Variants in ACOXL observed in about 807,000 individuals in gnomAD.
ACOXL encodes the protein acyl-CoA oxidase like.
In ACOXL, 70 loss-of-function variants were observed where a neutral mutation model predicts 71.9. The ratio of observed to expected loss-of-function variants is 0.97; its 90% CI spans 0.80 to 1.19. The LOEUF is 1.19. Ranked by LOEUF, ACOXL falls within the 50% of genes most tolerant of loss-of-function variation. ACOXL has a pLI of 0.00. For missense variants in ACOXL, 703 were observed against 736.3 expected, an observed-to-expected ratio of 0.95 and a Z score of 0.52; for synonymous variants, 253 against 281.6, an observed-to-expected ratio of 0.90 and a Z score of 1.02.
chr2:110,979,660 T>A (rs1463865821), intron 12 of ACOXL, among the ~76,000 whole-genome samples: 1 of 151,884 alleles, frequency 6.6e-6, no homozygotes, highest in Non-Finnish European at 1.5e-5. Context: ...CCCAGGCTCT[T>A]TATACCATGT....
chr2:110,879,360 A>G (rs996900339), intron 10 of ACOXL, among the ~76,000 whole-genome samples: 5 of 152,168 alleles, frequency 3.3e-5, no homozygotes, highest in African/African-American at 1.2e-4. Context: ...CGTGCCATGG[A>G]ACCTTCAAAC....
At chr2:110,995,321 G>A (rs1204536213) in intron 13 of ACOXL, among the ~76,000 whole-genome samples, 1 of 150,674 alleles carries the variant, frequency 6.6e-6, no homozygotes, top group Non-Finnish European at 1.5e-5. Flanking sequence ...CCAATATGGT[G>A]AAACCCTGTC....
At position 111,116,586 on chromosome 2, in the gene ACOXL, T is replaced by C. The variant is rs143980294; in HGVS notation, c.1543-1030T>C. 6.7e-3 allele frequency among the ~76,000 whole-genome samples: 1,024 copies of C among 152,060 alleles called. 17 individuals are homozygous for C. The highest frequency in any genetic ancestry group is 0.024 in the African/African-American group (973 of 41,402). On this transcript the variant is annotated intron_variant, in intron 17 of 17. Transcript: ENST00000439055. Reference sequence around the variant, plus strand: ...CAGTGCGGCTCAGACATGACCACCATGTGAGGGCAAAGGTGGGGCTGGTGT... The same window carrying C: ...CAGTGCGGCTCAGACATGACCACCACGTGAGGGCAAAGGTGGGGCTGGTGT...
chr2:110,766,569 G>T (rs188242622), intron 1 of ACOXL, among the ~76,000 whole-genome samples: 1 of 152,330 alleles, frequency 6.6e-6, no homozygotes, highest in East Asian at 1.9e-4. Context: ...GGGATGGAAG[G>T]TCAGTTCTCT....
chr2:110,978,021 A>G (rs887400072), intron 12 of ACOXL, among the ~76,000 whole-genome samples: 1 of 152,204 alleles, frequency 6.6e-6, no homozygotes, highest in African/African-American at 2.4e-5. Flanking sequence ...TAGGTTTTCT[A>G]TGATTTAAAA....
chr2:111,044,921 C>T (rs192773138), intron 15 of ACOXL, among the ~76,000 whole-genome samples: 1 of 152,238 alleles, frequency 6.6e-6, no homozygotes, highest in African/African-American at 2.4e-5. Flanking sequence ...CCCTATGCTT[C>T]CTCTCCTTGA....
At chr2:111,072,080 A>G (rs912323426) in intron 16 of ACOXL, among the ~76,000 whole-genome samples, 1 of 152,242 alleles carries the variant, frequency 6.6e-6, no homozygotes, top group African/African-American at 2.4e-5. Flanking sequence ...GTTTCAGTAC[A>G]TAGACACTTA....
At chr2:110,874,392 TC>T (rs143314534) in intron 10 of ACOXL, among the ~76,000 whole-genome samples, 3,615 of 146,846 alleles carry the variant, frequency 0.025, 158 homozygotes, top group African/African-American at 0.084. Context: ...ACACCTGACA[TC>T]CCTCGGTCAG....
intron 12 of ACOXL, among the ~76,000 whole-genome samples, chr2:110,973,343 C>G (rs2062300013): frequency 6.6e-6 from 1 of 152,180 alleles, no homozygotes; most frequent in African/African-American, 2.4e-5. Context: ...ATTAATGTGT[C>G]AAAACCTACC....
intron 10 of ACOXL, among the ~76,000 whole-genome samples, chr2:110,870,106 G>T (rs774232713): frequency 2.6e-5 from 4 of 152,240 alleles, no homozygotes; most frequent in Non-Finnish European, 5.9e-5. Context: ...AATTAGGGCT[G>T]TTCCCTTGGT....
intron 10 of ACOXL, among the ~76,000 whole-genome samples, chr2:110,908,066 A>G (rs2059521531): frequency 6.6e-6 from 1 of 152,228 alleles, no homozygotes; most frequent in Non-Finnish European, 1.5e-5. Context: ...ATCAGGCTGC[A>G]AGGGGCAGAG....
intron 12 of ACOXL, among the ~76,000 whole-genome samples, chr2:110,967,144 G>A (rs910217943): frequency 4.6e-5 from 7 of 152,110 alleles, no homozygotes; most frequent in African/African-American, 1.7e-4. Flanking sequence ...GTGCATAAAA[G>A]TACTACAAAT....
intron 16 of ACOXL, among the ~76,000 whole-genome samples, chr2:111,060,919 C>A: frequency 6.6e-6 from 1 of 151,892 alleles, no homozygotes; most frequent in African/African-American, 2.4e-5. Flanking sequence ...ATGGAGAGAA[C>A]AGAGGAAAGA....
At chr2:110,905,442 C>T (rs548400112) in intron 10 of ACOXL, among the ~76,000 whole-genome samples, 73 of 152,190 alleles carry the variant, frequency 4.8e-4, no homozygotes, top group South Asian at 2.1e-3. Context: ...CAAGCTGAGG[C>T]GTTTTTGGAT....
At chr2:110,764,135 T>A (rs769431403) in intron 1 of ACOXL, among the ~76,000 whole-genome samples, 2 of 152,200 alleles carry the variant, frequency 1.3e-5, no homozygotes, top group East Asian at 3.9e-4. Flanking sequence ...TTTCTTACCA[T>A]ATGGTCCAGT....
chr2:110,821,968 AGT>A (rs1688661380), intron 9 of ACOXL, among the ~76,000 whole-genome samples: 1 of 150,662 alleles, frequency 6.6e-6, no homozygotes, highest in African/African-American at 2.4e-5. Context: ...TGTGTGTGTG[AGT>A]GTGTGCGTGC....
intron 10 of ACOXL, among the ~76,000 whole-genome samples, chr2:110,907,057 C>T (rs1475378816): frequency 2.0e-5 from 3 of 152,212 alleles, no homozygotes; most frequent in Non-Finnish European, 4.4e-5. Flanking sequence ...TAACAAAATG[C>T]CATAGACTGG....
intron 15 of ACOXL, among the ~76,000 whole-genome samples, chr2:111,041,050 G>C (rs1299748566): frequency 6.6e-6 from 1 of 152,120 alleles, no homozygotes; most frequent in Non-Finnish European, 1.5e-5. Flanking sequence ...CGAGGGCAAA[G>C]GGGCCTGGAG....
At chr2:110,882,217 A>T (rs766655004) in intron 10 of ACOXL, among the ~76,000 whole-genome samples, 1 of 152,146 alleles carries the variant, frequency 6.6e-6, no homozygotes, top group Non-Finnish European at 1.5e-5. Flanking sequence ...CCCTGAGACA[A>T]ATGACACTGA....
Sources: allele counts gnomAD v4.1 joint callset (sites outside exome capture counted in the v4.1 genomes callset), GRCh38; gene constraint gnomAD v4.1.1; transcripts MANE v1.5; gene names NCBI Gene and HGNC (gene_info 2026-07-23, HGNC 2026-07-21).